The following SOHLH2 variants were observed in gnomAD, a reference collection of about 807,000 sequenced individuals.
SOHLH2 encodes spermatogenesis- and oogenesis-specific basic helix-loop-helix-containing protein 2.
SOHLH2 carries 22 observed loss-of-function variants against 50.4 expected under a neutral mutation model. The ratio of observed to expected loss-of-function variants is 0.44; its 90% CI spans 0.31 to 0.62. The LOEUF (loss-of-function observed/expected upper bound fraction) is 0.62. Among genes scored for constraint, SOHLH2 ranks in the 20% least tolerant of loss-of-function variants. The probability of loss-of-function intolerance (pLI) is 0.08; values close to 1 mark genes in which losing one functional copy is unlikely to be tolerated. For synonymous variants in SOHLH2, 185 were observed against 187.3 expected, an observed-to-expected ratio of 0.99 and a Z score of 0.10; for missense variants, 412 against 504.4, an observed-to-expected ratio of 0.82 and a Z score of 1.76.
chr13:36,184,723 G>A (rs1887365424), intron 6 of SOHLH2, among the ~76,000 whole-genome samples: 1 of 152,104 alleles, frequency 6.6e-6, no homozygotes, highest in Admixed American at 6.5e-5. Flanking sequence ...CTCCCAAAGT[G>A]CTGGGATTAC....
At position 36,193,884 on chromosome 13, in the gene SOHLH2, A is replaced by C. The variant is rs1887647401; in HGVS notation, c.264-17T>G. On this transcript the variant is annotated splice_polypyrimidine_tract_variant and intron_variant, in intron 2 of 10. Coordinates refer to ENST00000379881, the MANE Select transcript of SOHLH2 (RefSeq NM_017826.3). Reference sequence around the variant, plus strand: ...TTGCCAAATCTGAGAGAGGAAAGAAAATGTTAAAATGAAGCAAAATCATTA... The same window carrying C: ...TTGCCAAATCTGAGAGAGGAAAGAACATGTTAAAATGAAGCAAAATCATTA... The C allele has an allele frequency of 6.3e-7, 1 of 1,589,110 alleles. No homozygotes were observed. Among genetic ancestry groups the C allele is most frequent in the Non-Finnish European group, 8.5e-7 (1 of 1,173,628 alleles).
Position 36,170,698 on chromosome 13 carries a change from T to C in SOHLH2, c.1090A>G (p.Thr364Ala). 1 of 1,614,158 alleles carries C rather than the reference T, an allele frequency of 6.2e-7. No homozygotes were observed. The highest frequency in any genetic ancestry group is 8.5e-7 in the Non-Finnish European group (1 of 1,180,018). Residue 364 changes from threonine to alanine, a missense_variant, in exon 10 of 11, where the codon ACT becomes GCT. Thr to Ala is a moderately conservative substitution (Grantham distance 58, BLOSUM62 0). Transcript: ENST00000379881. ...SAALSLNSLH[T>A]VRYYSKVTPS... Reference sequence around the variant, plus strand: ...GTGACTTTAGAATAATATCTGACAGTATGCAAGGAATTCAGAGACAGCGCT... The same window carrying C: ...GTGACTTTAGAATAATATCTGACAGCATGCAAGGAATTCAGAGACAGCGCT...
In SOHLH2 at chr13:36,201,986, G is replaced by T. The variant is rs1396830247; in HGVS notation, c.156C>A (p.Asp52Glu). The T allele has an allele frequency of 1.2e-6, 2 of 1,614,178 alleles. No homozygotes were observed. The highest frequency in any genetic ancestry group is 2.2e-5 in the South Asian group (2 of 91,086). The change falls in exon 2 of 11, where the codon GAC becomes GAA. Residue 52 changes from aspartate to glutamate, a missense_variant. Physicochemically the swap from Asp to Glu is conservative, Grantham distance 45. Coordinates refer to ENST00000379881, the MANE Select transcript of SOHLH2 (RefSeq NM_017826.3). ...CCAAAAGCGCTGCTGCCTCCTTCGT[G>T]TCACTGATGGTGATGGTGACTTCTG... Reference protein sequence around the residue: ...NIAEVTITISDTKEAAALLDD... With the variant: ...NIAEVTITISETKEAAALLDD...
chr13:36,180,184 T>C (rs1396289156), intron 6 of SOHLH2, among the ~76,000 whole-genome samples: 3 of 152,214 alleles, frequency 2.0e-5, no homozygotes, highest in Non-Finnish European at 4.4e-5. Flanking sequence ...ATAAAATTGT[T>C]CAAAGTATAC....
intron 1 of SOHLH2, among the ~76,000 whole-genome samples, chr13:36,204,547 T>C (rs1868638767): frequency 6.6e-6 from 1 of 152,180 alleles, no homozygotes; most frequent in Non-Finnish European, 1.5e-5. Flanking sequence ...CAGACTAACC[T>C]TCTCTCAGTG....
At chr13:36,171,750 C>T (rs985683335) in intron 9 of SOHLH2, among the ~76,000 whole-genome samples, 1 of 152,136 alleles carries the variant, frequency 6.6e-6, no homozygotes, top group African/African-American at 2.4e-5. Context: ...ACTGCAAATG[C>T]TAAATGTAGC....
intron 6 of SOHLH2, 151 bp from the exon 7 acceptor site, chr13:36,175,020 A>G: frequency 8.3e-7 from 1 of 1,205,938 alleles, no homozygotes. Context: ...GTGTCCCCAC[A>G]AGCCAGCAGC....
intron 6 of SOHLH2, among the ~76,000 whole-genome samples, chr13:36,178,570 T>C (rs548081239): frequency 1.3e-5 from 2 of 152,312 alleles, no homozygotes; most frequent in South Asian, 4.1e-4. Flanking sequence ...TACTTTGTTG[T>C]ACTTTTGCAA....
intron 6 of SOHLH2, among the ~76,000 whole-genome samples, chr13:36,175,178 G>A (rs566395860): frequency 2.0e-5 from 3 of 152,322 alleles, no homozygotes; most frequent in African/African-American, 7.2e-5. Context: ...CCCAGTCACC[G>A]AGGAAAGCAC....
intron 1 of SOHLH2, among the ~76,000 whole-genome samples, chr13:36,203,346 A>G (rs1868540592): frequency 6.6e-6 from 1 of 152,204 alleles, no homozygotes; most frequent in South Asian, 2.1e-4. Flanking sequence ...CCAGGCGGTT[A>G]TAGATTTATT....
At position 36,170,588 on chromosome 13, in the gene SOHLH2, G is replaced by A. The variant is rs558111853; in HGVS notation, c.1200C>T (p.Leu400=). Residue 400 remains leucine, a synonymous_variant, in exon 10 of 11, where the codon CTC becomes CTT. Transcript: ENST00000379881. ...CCAACCCAGAAGTGCAGTGCCGAGG[G>A]AGAAGCTTTGAGACCGGGGGCATGG... ...PSAMPPVSKL[L]PRHCTSGLGQ... 5.6e-6 allele frequency: 9 copies of A among 1,614,172 alleles called. No individual in the cohort carries two copies. The South Asian group carries it at 7.7e-5, about 14-fold the overall frequency.
intron 6 of SOHLH2, among the ~76,000 whole-genome samples, chr13:36,176,787 T>C (rs1275154572): frequency 1.3e-5 from 2 of 152,186 alleles, no homozygotes; most frequent in Admixed American, 6.5e-5. Flanking sequence ...CTTTATTATA[T>C]ATGTGTCATC....
rs1015127206 is a variant in SOHLH2, at chr13:36,168,294, T to G, written c.*740A>C. ...AATTCAGTGAAATATAAAACAAACC[T>G]TTTTCCCCCTTATTTTCAACTGTCC... On this transcript the variant is annotated 3_prime_UTR_variant, in exon 11 of 11. Transcript: ENST00000379881. 1.3e-5 allele frequency: 2 copies of G among 152,086 alleles called. No individual in the cohort carries two copies. Among genetic ancestry groups the G allele is most frequent in the African/African-American group, 4.8e-5 (2 of 41,394 alleles). 9.4% of individuals were successfully genotyped at this position (152,086 alleles called of 1,614,324 possible). A position where few individuals can be genotyped will look rare whatever the true frequency, so the allele number is the denominator to read the frequency against.
At chr13:36,174,130 G>C (rs1418410215) in intron 8 of SOHLH2, among the ~76,000 whole-genome samples, 1 of 152,102 alleles carries the variant, frequency 6.6e-6, no homozygotes, top group African/African-American at 2.4e-5. Context: ...ACAGCTCCAG[G>C]GCCCGAGACC....
At chr13:36,211,158 G>A (rs61061054) in intron 1 of SOHLH2, among the ~76,000 whole-genome samples, 14 of 152,224 alleles carry the variant, frequency 9.2e-5, no homozygotes, top group Non-Finnish European at 1.8e-4. Flanking sequence ...TATCTAATAC[G>A]ATCAGGGTGT....
chr13:36,182,044 A>G lies in SOHLH2; in HGVS notation c.642-7175T>C, dbSNP rs185506405. Reference sequence around the variant, plus strand: ...CTAATTTATTAATGTTTTAAAAACCAATAGTATATATTTATTTGACAGGCC... The same window carrying G: ...CTAATTTATTAATGTTTTAAAAACCGATAGTATATATTTATTTGACAGGCC... On this transcript the variant is annotated intron_variant, in intron 6 of 10. Transcript: ENST00000379881. 9.6e-5 allele frequency: 94 copies of G among 981,974 alleles called. No homozygotes were observed. The East Asian group carries it at 9.2e-3, about 96-fold the overall frequency. The allele number at this position is 981,974 out of a possible 1,614,324, so 60.8% of individuals were successfully genotyped here.
At position 36,168,832 on chromosome 13, in the gene SOHLH2, A is replaced by C. The variant is rs1422851430; in HGVS notation, c.*202T>G. ...ATCCAAGTGTGTATGAAGATGAGTG[A>C]CAGTGTGTGGCCAGCTTTTTCGCTG... On this transcript the variant is annotated 3_prime_UTR_variant, in exon 11 of 11. Transcript: ENST00000379881. The C allele has an allele frequency of 7.6e-6, 6 of 786,860 alleles. No individual in the cohort carries two copies. The highest frequency in any genetic ancestry group is 1.1e-5 in the Non-Finnish European group (6 of 542,078). 48.7% of individuals were successfully genotyped at this position (786,860 alleles called of 1,614,324 possible). A position where few individuals can be genotyped will look rare whatever the true frequency, so the allele number is the denominator to read the frequency against.
chr13:36,206,738 G>A (rs973460712), intron 1 of SOHLH2, among the ~76,000 whole-genome samples: 2 of 151,420 alleles, frequency 1.3e-5, no homozygotes, highest in Non-Finnish European at 1.5e-5. Context: ...TGATCTTTCC[G>A]TTTATGAAAG....
Position 36,189,929 on chromosome 13 carries a change from G to T in SOHLH2, c.641+17C>A. ...TACAAAAGAATAATGCTTAAAAAGT[G>T]CTATATTAAAATTCACCTTCTTAGT... On this transcript the variant is annotated intron_variant, in intron 6 of 10. Transcript: ENST00000379881. 6.4e-7 allele frequency: 1 copy of T among 1,567,734 alleles called. No individual in the cohort carries two copies. The highest frequency in any genetic ancestry group is 8.7e-7 in the Non-Finnish European group (1 of 1,155,604).
Sources: allele counts gnomAD v4.1 joint callset (sites outside exome capture counted in the v4.1 genomes callset), GRCh38; gene constraint gnomAD v4.1.1; transcripts MANE v1.5; gene names NCBI Gene and HGNC (gene_info 2026-07-23, HGNC 2026-07-21).